The following SEPTIN7 variants were observed in gnomAD, a reference collection of about 807,000 sequenced individuals.
The protein encoded by SEPTIN7 is septin-7.
In SEPTIN7, 10 loss-of-function variants were observed where a neutral mutation model predicts 63.3. The ratio of observed to expected loss-of-function variants is 0.16; its 90% CI spans 0.10 to 0.27. SEPTIN7 has a LOEUF of 0.27. SEPTIN7 is among the 10% of genes least tolerant of loss of function. SEPTIN7 has a pLI of 1.00. For synonymous variants in SEPTIN7, 131 were observed against 165.3 expected (o/e 0.79, Z 1.59); for missense variants, 310 against 521.0 (o/e 0.59, Z 3.94).
chr7:35,880,227 T>TC (rs1481850860), intron 7 of SEPTIN7, among the ~76,000 whole-genome samples: 4 of 144,470 alleles, frequency 2.8e-5, no homozygotes, highest in African/African-American at 5.0e-5. Context: ...TCTTTTCTTT[T>TC]TTTTTTTTTT....
chr7:35,815,267 AC>A (rs1222882381), intron 1 of SEPTIN7: 13 of 335,358 alleles, frequency 3.9e-5, no homozygotes, highest in Admixed American at 3.5e-4. Context: ...AGATCTGGGC[AC>A]CAGAAGTGCT....
chr7:35,847,916 T>C (rs1784765854), intron 3 of SEPTIN7: 2 of 152,228 alleles, frequency 1.3e-5, no homozygotes, highest in South Asian at 4.1e-4. Context: ...CTTTGAAAGC[T>C]ACTTCTTAGA....
intron 1 of SEPTIN7, among the ~76,000 whole-genome samples, chr7:35,819,535 G>A (rs566907923): frequency 2.0e-4 from 30 of 152,114 alleles, no homozygotes; most frequent in African/African-American, 5.5e-4. Context: ...TTGAAAGTAG[G>A]GTGTTGAAGG....
intron 3 of SEPTIN7, among the ~76,000 whole-genome samples, chr7:35,845,757 T>C (rs1175069549): frequency 6.6e-6 from 1 of 152,198 alleles, no homozygotes; most frequent in African/African-American, 2.4e-5. Context: ...GAGTATCTTG[T>C]TTTCCCTGGA....
chr7:35,827,179 G>A (rs888380916), intron 1 of SEPTIN7, among the ~76,000 whole-genome samples: 2 of 152,098 alleles, frequency 1.3e-5, no homozygotes, highest in South Asian at 2.1e-4. Context: ...TTTGATAAAT[G>A]TTTCTTCTTA....
chr7:35,885,801 CAT>C lies in SEPTIN7; in HGVS notation c.821-24_821-23del, dbSNP rs765099772. 2.2e-4 allele frequency: 342 copies of C among 1,564,082 alleles called. No individual in the cohort carries two copies. In the African/African-American group the frequency reaches 3.9e-3, roughly 18 times the overall value. ...AAGACTAGGTTTAGTGGAAATATAACATATGCGGTCTGCTTTTTTCTTACAGT... is the reference window on the plus strand; with the variant it reads ...AAGACTAGGTTTAGTGGAAATATAACATGCGGTCTGCTTTTTTCTTACAGT... On this transcript the variant is annotated intron_variant, in intron 9 of 13. Transcript: ENST00000350320.
At chr7:35,818,080 G>C (rs1789192480) in intron 1 of SEPTIN7, among the ~76,000 whole-genome samples, 1 of 152,008 alleles carries the variant, frequency 6.6e-6, no homozygotes, top group Non-Finnish European at 1.5e-5. Context: ...CTTGATTTTA[G>C]AGTGAAAGCA....
At chr7:35,890,629 T>TTA (rs749607637) in intron 10 of SEPTIN7, 39 bp from the exon 11 acceptor site, 2 of 1,398,022 alleles carry the variant, frequency 1.4e-6, no homozygotes, top group South Asian at 3.7e-5. Flanking sequence ...TCCCCCTAGC[T>TTA]ATTAATAGAA....
At position 35,801,112 on chromosome 7, in the gene SEPTIN7, AGCTACGCCGGGCG is replaced by A; in HGVS notation, c.-90_-78del. On this transcript the variant is annotated 5_prime_UTR_variant, in exon 1 of 14. Coordinates refer to ENST00000350320, the MANE Select transcript of SEPTIN7 (RefSeq NM_001788.6). Reference sequence around the variant, plus strand: ...CTGCTGTAGCGTGCGTAAGCAAGGCAGCTACGCCGGGCGGCTACGCTGCGGAATCGGCGTAGGC... The same window carrying A: ...CTGCTGTAGCGTGCGTAAGCAAGGCAGCTACGCTGCGGAATCGGCGTAGGC... The A allele has an allele frequency of 6.1e-6, 6 of 982,480 alleles. No homozygotes were observed. In the South Asian group the frequency reaches 9.2e-5, roughly 15 times the overall value. The allele number at this position is 982,480 out of a possible 1,614,324, so 60.9% of individuals were successfully genotyped here. A position where few individuals can be genotyped will look rare whatever the true frequency, so the allele number is the denominator to read the frequency against.
intron 1 of SEPTIN7, among the ~76,000 whole-genome samples, chr7:35,811,005 G>A (rs1296136573): frequency 6.6e-6 from 1 of 150,842 alleles, no homozygotes; most frequent in Non-Finnish European, 1.5e-5. Flanking sequence ...CTGACCTGAG[G>A]CAATCTGCCC....
At chr7:35,830,443 G>A (rs1339741032) in intron 1 of SEPTIN7, among the ~76,000 whole-genome samples, 1 of 152,198 alleles carries the variant, frequency 6.6e-6, no homozygotes, top group Admixed American at 6.5e-5. Flanking sequence ...GATGGGTTTC[G>A]CTTGCAGAGA....
At chr7:35,815,312 T>A (rs1177925329) in intron 1 of SEPTIN7, among the ~76,000 whole-genome samples, 1 of 152,190 alleles carries the variant, frequency 6.6e-6, no homozygotes, top group East Asian at 1.9e-4. Context: ...CTCTAGTAGA[T>A]GTTTTGAACA....
At chr7:35,810,230 T>G (rs542625134) in intron 1 of SEPTIN7, among the ~76,000 whole-genome samples, 27 of 152,268 alleles carry the variant, frequency 1.8e-4, no homozygotes, top group African/African-American at 5.5e-4. Context: ...TGAACAGAGT[T>G]GAAGGAAATT....
At chr7:35,870,634 C>T (rs1786086091) in intron 4 of SEPTIN7, among the ~76,000 whole-genome samples, 1 of 151,946 alleles carries the variant, frequency 6.6e-6, no homozygotes, top group South Asian at 2.1e-4. Flanking sequence ...CTGGGTTGTC[C>T]TTTGGCTAGA....
At chr7:35,889,150 C>G (rs1361146937) in intron 10 of SEPTIN7, among the ~76,000 whole-genome samples, 1 of 152,184 alleles carries the variant, frequency 6.6e-6, no homozygotes, top group East Asian at 1.9e-4. Flanking sequence ...GATGTCAAGG[C>G]TGGGAAAAAG....
intron 3 of SEPTIN7, among the ~76,000 whole-genome samples, chr7:35,841,060 G>A (rs1018489032): frequency 9.2e-5 from 14 of 152,088 alleles, no homozygotes; most frequent in African/African-American, 3.4e-4. Context: ...CAGTCTTACA[G>A]ATTGCAGTCT....
At chr7:35,862,580 A>G (rs565929848) in intron 3 of SEPTIN7, among the ~76,000 whole-genome samples, 2 of 152,124 alleles carry the variant, frequency 1.3e-5, no homozygotes, top group Non-Finnish European at 2.9e-5. Context: ...TTTTACATCT[A>G]GTAAAAATTG....
chr7:35,885,019 C>T (rs764623459), intron 9 of SEPTIN7, among the ~76,000 whole-genome samples: 18 of 150,996 alleles, frequency 1.2e-4, no homozygotes, highest in African/African-American at 1.7e-4. Flanking sequence ...TTTTGAACTT[C>T]GTTTTTTTTT....
chr7:35,867,555 G>A (rs1002095996), intron 4 of SEPTIN7, among the ~76,000 whole-genome samples: 17 of 151,768 alleles, frequency 1.1e-4, no homozygotes, highest in African/African-American at 3.9e-4. Flanking sequence ...TTGCCTTGTT[G>A]GCCAGGCTGG....
Sources: allele counts gnomAD v4.1 joint callset (sites outside exome capture counted in the v4.1 genomes callset), GRCh38; gene constraint gnomAD v4.1.1; transcripts MANE v1.5; gene names NCBI Gene and HGNC (gene_info 2026-07-23, HGNC 2026-07-21).